The following PCDHGA11 variants were observed in gnomAD, a reference collection of about 807,000 sequenced individuals.
PCDHGA11 encodes protocadherin gamma subfamily A, 11.
A neutral mutation model predicts 60.4 loss-of-function variants in PCDHGA11; 39 were observed. The observed-to-expected ratio is 0.65, with a 90% CI of 0.50 to 0.84. PCDHGA11 has a LOEUF of 0.84. Among genes scored for constraint, PCDHGA11 ranks in the 40% least tolerant of loss-of-function variants. PCDHGA11 has a pLI of 0.00. For missense variants in PCDHGA11, 1,165 were observed against 1,197.7 expected, an observed-to-expected ratio of 0.97 and a Z score of 0.40; for synonymous variants, 533 against 510.3, an observed-to-expected ratio of 1.04 and a Z score of -0.60.
intron 1 of PCDHGA11, among the ~76,000 whole-genome samples, chr5:141,466,292 T>C (rs1050311680): frequency 3.3e-5 from 5 of 152,134 alleles, no homozygotes; most frequent in Non-Finnish European, 5.9e-5. Context: ...CACCTCAGGC[T>C]CCCAAGTAGC....
chr5:141,459,289 A>G (rs2098965378), intron 1 of PCDHGA11, among the ~76,000 whole-genome samples: 1 of 152,216 alleles, frequency 6.6e-6, no homozygotes, highest in Non-Finnish European at 1.5e-5. Flanking sequence ...ATCTAAATGG[A>G]ATCCTATAAC....
chr5:141,464,517 G>A lies in PCDHGA11; in HGVS notation c.2434-30290G>A, dbSNP rs1487703873. 2.0e-5 allele frequency among the ~76,000 whole-genome samples: 3 copies of A among 151,862 alleles called. No individual in the cohort carries two copies. In the South Asian group the frequency reaches 6.2e-4, roughly 32 times the overall value. On this transcript the variant is annotated intron_variant, in intron 1 of 3. Transcript: ENST00000398587. ...GTGATTGCTGCATCATAAGGTAAAG[G>A]CATATGTAGTTTTGTTAAATATAGC...
chr5:141,495,918 T>C (rs2099764622), intron 2 of PCDHGA11, among the ~76,000 whole-genome samples: 1 of 152,184 alleles, frequency 6.6e-6, no homozygotes, highest in African/African-American at 2.4e-5. Flanking sequence ...ATATCTTTCT[T>C]TGTCTCTGTC....
intron 1 of PCDHGA11, chr5:141,478,227 G>A: frequency 6.2e-7 from 1 of 1,614,104 alleles, no homozygotes; most frequent in Non-Finnish European, 8.5e-7. Context: ...GTTTCTGTGG[G>A]GTTTGTGGTC....
At chr5:141,501,869 C>G (rs1595765055) in intron 2 of PCDHGA11, among the ~76,000 whole-genome samples, 1 of 152,130 alleles carries the variant, frequency 6.6e-6, no homozygotes, top group Non-Finnish European at 1.5e-5. Context: ...CCCAGGACGC[C>G]TCCTTACACT....
intron 1 of PCDHGA11, among the ~76,000 whole-genome samples, chr5:141,460,478 A>G (rs989135238): frequency 6.6e-5 from 10 of 152,136 alleles, no homozygotes; most frequent in African/African-American, 2.4e-4. Context: ...GGAATATCCA[A>G]TTGTCTCTTT....
Position 141,487,082 on chromosome 5 carries a change from G to A in PCDHGA11, c.2434-7725G>A, listed in dbSNP as rs2099639361. On this transcript the variant is annotated intron_variant, in intron 1 of 3. Transcript: ENST00000398587. The surrounding 1 kb of genome is among the most constrained non-coding windows in gnomAD (Gnocchi z 5.0). Reference sequence around the variant, plus strand: ...GCGGACGGCTGTTCCTATCCCAGCTGACCTCCCACCACAGAAGCTGGTCAT... The same window carrying A: ...GCGGACGGCTGTTCCTATCCCAGCTAACCTCCCACCACAGAAGCTGGTCAT... The A allele has an allele frequency of 8.1e-6, 13 of 1,614,056 alleles. No individual in the cohort carries two copies. The highest frequency in any genetic ancestry group is 1.1e-5 in the Non-Finnish European group (13 of 1,179,938).
At chr5:141,430,918 G>T (rs766412276) in intron 1 of PCDHGA11, 2 of 1,607,866 alleles carry the variant, frequency 1.2e-6, no homozygotes, top group South Asian at 2.2e-5. Context: ...GGGACCTGGG[G>T]CTGGAGCCCC....
rs201412037 is a variant in PCDHGA11, at chr5:141,421,093, A to G, written c.-135A>G. The G allele has an allele frequency of 3.5e-5, 23 of 665,630 alleles. No homozygotes were observed. In the East Asian group the frequency reaches 6.2e-4, roughly 18 times the overall value. 41.2% of individuals were successfully genotyped at this position (665,630 alleles called of 1,614,324 possible). On this transcript the variant is annotated 5_prime_UTR_variant, in exon 1 of 4. Coordinates refer to ENST00000398587, the MANE Select transcript of PCDHGA11 (RefSeq NM_018914.3). ...GAGATGGATACTCACAGATCCTGAC[A>G]CTGGAGACTTAGAAGTATTTTCCTT... is the stretch of plus-strand genomic sequence containing the variant.
At position 141,476,402 on chromosome 5, in the gene PCDHGA11, G is replaced by A. The variant is rs775511298; in HGVS notation, c.2434-18405G>A. The stretch of plus-strand genomic sequence containing the variant: ...TGTGAACGACCGTCTGGATCGAGAG[G>A]AGCTGTGTGGGACACTGCCCTCTTG... On this transcript the variant is annotated intron_variant, in intron 1 of 3. Coordinates refer to ENST00000398587, the MANE Select transcript of PCDHGA11 (RefSeq NM_018914.3). This position sits in a 1 kb window ranked among gnomAD's most constrained non-coding sequence, Gnocchi z 7.6. 9 of 1,613,992 alleles carry A rather than the reference G, an allele frequency of 5.6e-6. No individual in the cohort carries two copies. Among genetic ancestry groups the A allele is most frequent in the African/African-American group, 1.3e-5 (1 of 74,904 alleles).
chr5:141,476,046 C>T lies in PCDHGA11; in HGVS notation c.2434-18761C>T. 6.7e-7 allele frequency: 1 copy of T among 1,491,396 alleles called. No individual in the cohort carries two copies. Among genetic ancestry groups the T allele is most frequent in the Non-Finnish European group, 8.9e-7 (1 of 1,122,928 alleles). 92.4% of individuals were successfully genotyped at this position (1,491,396 alleles called of 1,614,324 possible). On this transcript the variant is annotated intron_variant, in intron 1 of 3. Coordinates refer to ENST00000398587, the MANE Select transcript of PCDHGA11 (RefSeq NM_018914.3). This position sits in a 1 kb window ranked among gnomAD's most constrained non-coding sequence, Gnocchi z 7.6. ...CGGCGCCCAGCGCCCAAGCGCTAAC[C>T]CGCTGAAAGTTTCTCAGCGAAATCT...
chr5:141,498,009 C>A (rs1160103624), intron 2 of PCDHGA11, among the ~76,000 whole-genome samples: 1 of 152,146 alleles, frequency 6.6e-6, no homozygotes, highest in Non-Finnish European at 1.5e-5. Context: ...TTACAGTGCA[C>A]TGAAGGAGAC....
At chr5:141,465,457 C>G (rs956070103) in intron 1 of PCDHGA11, among the ~76,000 whole-genome samples, 1 of 152,214 alleles carries the variant, frequency 6.6e-6, no homozygotes, top group Non-Finnish European at 1.5e-5. Context: ...AAAACTCTCA[C>G]CAAATTGCCC....
chr5:141,507,023 C>T (rs971356315), intron 3 of PCDHGA11: 16 of 152,348 alleles, frequency 1.1e-4, no homozygotes, highest in African/African-American at 2.4e-4. Flanking sequence ...AAGGCACTTG[C>T]CCCAGGGTCC....
intron 1 of PCDHGA11, among the ~76,000 whole-genome samples, chr5:141,472,924 T>G (rs1247655318): frequency 2.0e-5 from 3 of 147,960 alleles, no homozygotes; most frequent in African/African-American, 7.5e-5. Flanking sequence ...AGGAGGAGGT[T>G]GTGGTGAGCC....
At chr5:141,484,880 T>G (rs1258072805) in intron 1 of PCDHGA11, 3 of 336,846 alleles carry the variant, frequency 8.9e-6, no homozygotes, top group Admixed American at 9.2e-5. Flanking sequence ...GAGGATAGGG[T>G]GGGCTTTTTC....
chr5:141,478,378 G>C, intron 1 of PCDHGA11: 1 of 1,613,558 alleles, frequency 6.2e-7, no homozygotes, highest in Non-Finnish European at 8.5e-7. Flanking sequence ...TGATGTCGCC[G>C]CACCTTTACC....
rs1321974739 is a variant in PCDHGA11, at chr5:141,432,755, G to A, written c.2433+9095G>A. The A allele has an allele frequency of 2.5e-6, 4 of 1,614,134 alleles. No individual in the cohort carries two copies. Among genetic ancestry groups the A allele is most frequent in the African/African-American group, 1.3e-5 (1 of 75,060 alleles). On this transcript the variant is annotated intron_variant, in intron 1 of 3. Coordinates refer to ENST00000398587, the MANE Select transcript of PCDHGA11 (RefSeq NM_018914.3). This position sits in a 1 kb window ranked among gnomAD's most constrained non-coding sequence, Gnocchi z 6.0. ...TGTCACGCTCACCGTGGCCGTGGCC[G>A]ACAGCATCCCCCAAGTCCTGGCGGA...
chr5:141,492,111 C>T (rs2154587044), intron 1 of PCDHGA11, among the ~76,000 whole-genome samples: 1 of 152,320 alleles, frequency 6.6e-6, no homozygotes, highest in South Asian at 2.1e-4. Context: ...ATTTCCTCTT[C>T]GATTTCTCCC....
Sources: gnomAD v4.1 joint callset for allele counts (sites outside exome capture counted in the v4.1 genomes callset) on GRCh38, gnomAD v4.1.1 for gene constraint, Gnocchi (gnomAD v3.1) non-coding constraint, MANE v1.5 for transcripts, NCBI Gene and HGNC (gene_info 2026-07-23, HGNC 2026-07-21) for gene names.